PFKFB4: variants seen among roughly 807,000 people sequenced by gnomAD.
PFKFB4 encodes the protein 6-phosphofructo-2-kinase/fructose-2,6-bisphosphatase 4.
PFKFB4 carries 42 observed loss-of-function variants against 62.8 expected under a neutral mutation model. That is an observed-to-expected ratio of 0.67 (90% confidence interval 0.52 to 0.86). The LOEUF is 0.86. Ranked by LOEUF, PFKFB4 falls within the 40% of genes least tolerant of loss-of-function variation. The pLI, the probability that PFKFB4 is intolerant of heterozygous loss-of-function variation, is 0.00. For synonymous variants in PFKFB4, 204 were observed against 240.7 expected, an observed-to-expected ratio of 0.85 and a Z score of 1.41; for missense variants, 475 against 627.2, an observed-to-expected ratio of 0.76 and a Z score of 2.59.
intron 4 of PFKFB4, among the ~76,000 whole-genome samples, chr3:48,541,456 T>C (rs973677984): frequency 2.0e-5 from 3 of 151,900 alleles, no homozygotes; most frequent in African/African-American, 7.3e-5. Flanking sequence ...AAAATTTTTC[T>C]GTAGACACAG....
chr3:48,527,185 G>A (rs1014963418), intron 9 of PFKFB4, among the ~76,000 whole-genome samples: 3 of 151,860 alleles, frequency 2.0e-5, no homozygotes, highest in Non-Finnish European at 2.9e-5. Context: ...CCAGAACTGT[G>A]AGAGAATCAA....
Position 48,519,547 on chromosome 3 carries a change from A to G in PFKFB4, c.*200T>C, listed in dbSNP as rs1460084490. On this transcript the variant is annotated 3_prime_UTR_variant, in exon 14 of 14. Transcript: ENST00000232375. ...GTCAAGTGACTCTTAGCAGCAGGTC[A>G]GGAGCCACGCACAACCTTGTCGCCG... 1.7e-6 allele frequency: 1 copy of G among 576,440 alleles called. No individual in the cohort carries two copies. Among genetic ancestry groups the G allele is most frequent in the Non-Finnish European group, 3.1e-6 (1 of 320,878 alleles). 35.7% of individuals were successfully genotyped at this position (576,440 alleles called of 1,614,324 possible). A position where few individuals can be genotyped will look rare whatever the true frequency, so the allele number is the denominator to read the frequency against.
chr3:48,558,246 C>A (rs552452755), upstream of PFKFB4, among the ~76,000 whole-genome samples: 15 of 152,290 alleles, frequency 9.8e-5, no homozygotes, highest in East Asian at 1.2e-3. Context: ...CAGTTTCCCG[C>A]CTCCTCGGGA....
intron 1 of PFKFB4, among the ~76,000 whole-genome samples, chr3:48,551,519 C>CTTTTT (rs71074260): frequency 3.4e-4 from 10 of 29,118 alleles, no homozygotes; most frequent in African/African-American, 1.6e-3. Context: ...CTCCAGCCTT[C>CTTTTT]TTTTTTTTTT....
In PFKFB4 at chr3:48,519,513, T is replaced by C; in HGVS notation, c.*234A>G. 1.9e-6 allele frequency: 1 copy of C among 536,144 alleles called. No individual in the cohort carries two copies. The highest frequency in any genetic ancestry group is 3.3e-6 in the Non-Finnish European group (1 of 298,524). 33.2% of individuals were successfully genotyped at this position (536,144 alleles called of 1,614,324 possible). ...GCAACCTCCGCGCAGCCCATGCAGA[T>C]GCAGTCTGGTCAAGTGACTCTTAGC... On this transcript the variant is annotated 3_prime_UTR_variant, in exon 14 of 14. Coordinates refer to ENST00000232375, the MANE Select transcript of PFKFB4 (RefSeq NM_004567.4).
At chr3:48,542,231 C>T (rs1036541593) in intron 4 of PFKFB4, among the ~76,000 whole-genome samples, 3 of 150,662 alleles carry the variant, frequency 2.0e-5, no homozygotes, top group African/African-American at 4.9e-5. Context: ...CTACTCAGGA[C>T]GCTGAGGCAG....
intron 1 of PFKFB4, among the ~76,000 whole-genome samples, chr3:48,551,249 T>C (rs1405647666): frequency 7.6e-5 from 11 of 144,632 alleles, no homozygotes; most frequent in African/African-American, 2.8e-4. Context: ...GGAGTCTCAC[T>C]CTGTTGCCCA....
At position 48,538,484 on chromosome 3, in the gene PFKFB4, C is replaced by T. The variant is rs763795657; in HGVS notation, c.632+14G>A. On this transcript the variant is annotated intron_variant, in intron 7 of 13. Transcript: ENST00000232375. ...ACCATCACAGCTGCAGGGCCTGGCG[C>T]TGCCCTGACTCACCTATCCAGGTCC... 3 of 1,613,250 alleles carry T rather than the reference C, an allele frequency of 1.9e-6. No individual in the cohort carries two copies. The African/African-American group carries it at 4.0e-5, about 22-fold the overall frequency.
chr3:48,523,639 C>G, intron 11 of PFKFB4, 40 bp from the exon 12 acceptor site: 1 of 1,613,646 alleles, frequency 6.2e-7, no homozygotes, highest in Non-Finnish European at 8.5e-7. Context: ...ACCAGAAATG[C>G]CTGGTGACAG....
chr3:48,549,639 A>G (rs912162518), intron 3 of PFKFB4, among the ~76,000 whole-genome samples: 4 of 149,074 alleles, frequency 2.7e-5, no homozygotes, highest in African/African-American at 1.0e-4. Flanking sequence ...CAAACCCATC[A>G]CCTCCCACCC....
chr3:48,546,710 C>T (rs1351499493), intron 3 of PFKFB4, among the ~76,000 whole-genome samples: 1 of 152,200 alleles, frequency 6.6e-6, no homozygotes, highest in Non-Finnish European at 1.5e-5. Flanking sequence ...GAGGAGCTCA[C>T]TGTGCATAGA....
intron 3 of PFKFB4, among the ~76,000 whole-genome samples, chr3:48,545,830 A>T (rs1187819448): frequency 6.6e-6 from 1 of 152,100 alleles, no homozygotes; most frequent in East Asian, 1.9e-4. Context: ...TTTCTTCCTC[A>T]TGCCAAAAAC....
upstream of PFKFB4, chr3:48,557,163 T>G (rs532082003): frequency 1.3e-4 from 29 of 221,120 alleles, no homozygotes; most frequent in South Asian, 5.5e-4. Flanking sequence ...AGGCCCCACC[T>G]ACGGGCTCCG....
upstream of PFKFB4, chr3:48,562,994 G>A (rs1316930980): frequency 1.9e-6 from 3 of 1,609,140 alleles, no homozygotes; most frequent in African/African-American, 1.3e-5. This position sits in a 1 kb window ranked among gnomAD's most constrained non-coding sequence, Gnocchi z 4.3. Context: ...GCTCTCTGAG[G>A]CCGCAGGTCG....
upstream of PFKFB4, chr3:48,562,928 C>T (rs762298735): frequency 3.5e-5 from 56 of 1,603,966 alleles, no homozygotes; most frequent in Middle Eastern, 1.8e-3. The surrounding 1 kb of genome is among the most constrained non-coding windows in gnomAD (Gnocchi z 4.3). Flanking sequence ...GCCAGGGTGG[C>T]GGGTGGGGCT....
chr3:48,548,662 G>T (rs2043037003), intron 3 of PFKFB4: 1 of 152,194 alleles, frequency 6.6e-6, no homozygotes, highest in South Asian at 2.1e-4. Context: ...TTCCTCATCT[G>T]TAAAAGTAGG....
chr3:48,526,572 C>CA (rs1427105726), intron 9 of PFKFB4, among the ~76,000 whole-genome samples: 1,259 of 77,882 alleles, frequency 0.016, 22 homozygotes, highest in African/African-American at 0.04. Context: ...GACTCTGTCT[C>CA]AAAAAAAAAA....
chr3:48,546,028 T>C (rs2042953326), intron 3 of PFKFB4, among the ~76,000 whole-genome samples: 1 of 152,126 alleles, frequency 6.6e-6, no homozygotes, highest in Non-Finnish European at 1.5e-5. Context: ...CGTGTGTGTG[T>C]GTGTGTATAA....
Position 48,537,237 on chromosome 3 carries a change from T to C in PFKFB4, c.633-774A>G, listed in dbSNP as rs566773209. 3.4e-3 allele frequency among the ~76,000 whole-genome samples: 519 copies of C among 152,314 alleles called. 3 individuals are homozygous for C. The highest frequency in any genetic ancestry group is 0.011 in the African/African-American group (458 of 41,568). On this transcript the variant is annotated intron_variant, in intron 7 of 13. Transcript: ENST00000232375. ...CACTGTCTGGACCTTGGGACCTTGG[T>C]TTGGGGGTGTCACGATGACACCACC...
Sources: allele counts gnomAD v4.1 joint callset (sites outside exome capture counted in the v4.1 genomes callset), GRCh38; gene constraint gnomAD v4.1.1; non-coding constraint Gnocchi (gnomAD v3.1); transcripts MANE v1.5; gene names NCBI Gene and HGNC (gene_info 2026-07-23, HGNC 2026-07-21).